The following ADAMTS19 variants were observed in gnomAD, a reference collection of about 807,000 sequenced individuals.
The protein encoded by ADAMTS19 is A disintegrin and metalloproteinase with thrombospondin motifs 19.
In ADAMTS19, 93 loss-of-function variants were observed where a neutral mutation model predicts 153.3. That is an observed-to-expected ratio of 0.61 (90% CI 0.51 to 0.72). The LOEUF is 0.72. Ranked by LOEUF, ADAMTS19 falls within the 30% of genes least tolerant of loss-of-function variation. The pLI, the probability that ADAMTS19 is intolerant of heterozygous loss-of-function variation, is 0.00. For synonymous variants in ADAMTS19, 600 were observed against 556.6 expected (o/e 1.08, Z -1.10); for missense variants, 1,482 against 1,552.1 (o/e 0.95, Z 0.76).
At chr5:129,737,024 A>G in intron 22 of ADAMTS19, 43 bp from the exon 23 acceptor site, 2 of 1,501,356 alleles carry the variant, frequency 1.3e-6, no homozygotes, top group Non-Finnish European at 1.8e-6. Context: ...ACTGACATAT[A>G]TGATATCTGC....
At chr5:129,718,325 G>A (rs1364754730) in intron 21 of ADAMTS19, among the ~76,000 whole-genome samples, 1 of 152,006 alleles carries the variant, frequency 6.6e-6, no homozygotes, top group African/African-American at 2.4e-5. Context: ...AAAGAGGCAA[G>A]AAGAGTTTGA....
intron 8 of ADAMTS19, among the ~76,000 whole-genome samples, chr5:129,602,826 C>CTGTG (rs56060749): frequency 0.065 from 9,535 of 146,634 alleles, 538 homozygotes; most frequent in East Asian, 0.21. Flanking sequence ...CTTATATTCT[C>CTGTG]TGTGTGTGTG....
chr5:129,470,604 T>G (rs1178918841), intron 2 of ADAMTS19, among the ~76,000 whole-genome samples: 1 of 152,214 alleles, frequency 6.6e-6, no homozygotes, highest in Non-Finnish European at 1.5e-5. Context: ...ATTCCAGTGC[T>G]ACACAGATAT....
chr5:129,461,665 C>T lies in ADAMTS19; in HGVS notation c.655C>T (p.Pro219Ser). 8 of 1,584,292 alleles carry T rather than the reference C, an allele frequency of 5.0e-6. No individual in the cohort carries two copies. The highest frequency in any genetic ancestry group is 6.0e-6 in the Non-Finnish European group (7 of 1,171,230). ...GGGGGCAGCATCCGCCCCGCAACCT[C>T]CCGCGCCACCAGACGCAGGCTGCTT... ...PTGAASAPQP[P>S]APPDAGCFYT... Residue 219 changes from proline (P) to serine (S), a missense_variant, in exon 2 of 23, where the codon CCC becomes TCC. Around this residue, in one of 2 missense-constraint regions of ADAMTS19, gnomAD observed 866 missense variants for 827.7 expected, o/e 1.05. Coordinates refer to ENST00000274487, the MANE Select transcript of ADAMTS19 (RefSeq NM_133638.6). This position sits in a 1 kb window ranked among gnomAD's most constrained non-coding sequence, Gnocchi z 4.6.
chr5:129,707,490 G>A (rs911729193), intron 21 of ADAMTS19, among the ~76,000 whole-genome samples: 5 of 152,108 alleles, frequency 3.3e-5, no homozygotes, highest in Non-Finnish European at 7.3e-5. Flanking sequence ...GTGGCTCCAC[G>A]TGAATTTTAT....
intron 6 of ADAMTS19, among the ~76,000 whole-genome samples, chr5:129,533,210 A>G (rs1173030916): frequency 6.6e-6 from 1 of 152,184 alleles, no homozygotes; most frequent in Non-Finnish European, 1.5e-5. Flanking sequence ...TGGTGTGACA[A>G]ATGTTCCCAC....
chr5:129,488,023 C>T (rs752394607), intron 2 of ADAMTS19, among the ~76,000 whole-genome samples: 1 of 151,716 alleles, frequency 6.6e-6, no homozygotes, highest in Admixed American at 6.6e-5. Flanking sequence ...AAGAAAGTAA[C>T]GTTGTAACTC....
chr5:129,642,753 G>C (rs1157099853), intron 11 of ADAMTS19, among the ~76,000 whole-genome samples: 2 of 152,174 alleles, frequency 1.3e-5, no homozygotes, highest in African/African-American at 2.4e-5. Context: ...AGAACCTATA[G>C]ATTTCTTATG....
intron 2 of ADAMTS19, among the ~76,000 whole-genome samples, chr5:129,468,322 G>T (rs1289556229): frequency 6.6e-6 from 1 of 151,976 alleles, no homozygotes; most frequent in African/African-American, 2.4e-5. Context: ...TAAAATTTTT[G>T]ACCTTTGTGA....
chr5:129,492,132 A>C (rs906686635), intron 2 of ADAMTS19, among the ~76,000 whole-genome samples: 2 of 152,194 alleles, frequency 1.3e-5, no homozygotes, highest in African/African-American at 4.8e-5. Context: ...ATCATGGCAG[A>C]AGGTGAAGGG....
At chr5:129,536,965 T>A (rs7708983) in intron 6 of ADAMTS19, among the ~76,000 whole-genome samples, 2 of 150,780 alleles carry the variant, frequency 1.3e-5, no homozygotes, top group African/African-American at 2.5e-5. Flanking sequence ...TGCTAAATGA[T>A]GAGTTAATGG....
chr5:129,708,147 T>C (rs562968456), intron 21 of ADAMTS19, among the ~76,000 whole-genome samples: 13 of 152,312 alleles, frequency 8.5e-5, no homozygotes, highest in African/African-American at 1.4e-4. Flanking sequence ...TTAAGGTATA[T>C]GCAAAGAGTG....
In ADAMTS19 at chr5:129,461,702, C is replaced by T; in HGVS notation, c.692C>T (p.Ala231Val). 2 of 1,549,884 alleles carry T rather than the reference C, an allele frequency of 1.3e-6. No homozygotes were observed. Among genetic ancestry groups the T allele is most frequent in the East Asian group, 2.5e-5 (1 of 39,466 alleles). Residue 231 changes from alanine (A) to valine (V), a missense_variant, in exon 2 of 23, where the codon GCT (alanine) becomes GTT (valine). By Grantham distance (64) the Ala-to-Val change is moderately conservative. This residue lies in a region of ADAMTS19 where 866 missense variants were observed against 827.7 expected (regional missense o/e 1.05). Transcript: ENST00000274487. This position sits in a 1 kb window ranked among gnomAD's most constrained non-coding sequence, Gnocchi z 4.6. ...PPDAGCFYTG[A>V]VLRHPGSLAS... ...GACGCAGGCTGCTTCTACACCGGAG[C>T]TGTGCTGCGGCACCCTGGCTCGCTG...
chr5:129,499,245 T>C (rs1225219538), intron 2 of ADAMTS19, among the ~76,000 whole-genome samples: 1 of 151,972 alleles, frequency 6.6e-6, no homozygotes, highest in Non-Finnish European at 1.5e-5. Context: ...TATATGAAAA[T>C]AGCTTCTGTT....
chr5:129,561,299 T>C (rs1284422316), intron 7 of ADAMTS19, among the ~76,000 whole-genome samples: 1 of 152,160 alleles, frequency 6.6e-6, no homozygotes, highest in African/African-American at 2.4e-5. Context: ...AATGTGGCCT[T>C]ACCCAGAATG....
chr5:129,736,971 G>C, intron 22 of ADAMTS19, 96 bp from the exon 23 acceptor site: 10 of 1,207,068 alleles, frequency 8.3e-6, no homozygotes, highest in Non-Finnish European at 1.1e-5. Context: ...ACCAAAGAGA[G>C]TGTACAAAAT....
chr5:129,636,291 T>C (rs1030663054), intron 10 of ADAMTS19, among the ~76,000 whole-genome samples: 1 of 152,230 alleles, frequency 6.6e-6, no homozygotes, highest in Non-Finnish European at 1.5e-5. Flanking sequence ...AGTTTATAGT[T>C]GATACCTACA....
intron 7 of ADAMTS19, among the ~76,000 whole-genome samples, chr5:129,559,553 T>A (rs971265997): frequency 1.3e-5 from 2 of 151,994 alleles, no homozygotes; most frequent in Non-Finnish European, 2.9e-5. Context: ...GCTTCAGGAG[T>A]GAATTTAAAT....
At chr5:129,622,442 A>G in intron 10 of ADAMTS19, 94 bp downstream of exon 10, 1 of 1,377,182 alleles carries the variant, frequency 7.3e-7, no homozygotes, top group Middle Eastern at 1.9e-4. Flanking sequence ...TTTGTGGATC[A>G]AAAGCACCCC....
Sources: allele counts gnomAD v4.1 joint callset (sites outside exome capture counted in the v4.1 genomes callset), GRCh38; gene constraint gnomAD v4.1.1; regional missense constraint gnomAD v4.1.1; non-coding constraint Gnocchi (gnomAD v3.1); transcripts MANE v1.5; gene names NCBI Gene and HGNC (gene_info 2026-07-23, HGNC 2026-07-21).